The following VAX1 variants were observed in gnomAD, a reference collection of about 807,000 sequenced individuals.
VAX1 encodes ventral anterior homeobox 1.
VAX1 carries 6 observed loss-of-function variants against 17.6 expected under a neutral mutation model. The ratio of observed to expected loss-of-function variants is 0.34; its 90% CI spans 0.19 to 0.67. The LOEUF (loss-of-function observed/expected upper bound fraction) is 0.67, where lower values mean the gene tolerates loss of function less well. Among genes scored for constraint, VAX1 ranks in the 30% least tolerant of loss-of-function variants. The pLI is 0.69. For missense variants in VAX1, 408 were observed against 463.7 expected (o/e 0.88, Z 1.10); for synonymous variants, 256 against 227.4 (o/e 1.13, Z -1.13).
chr10:117,134,029 G>A lies in VAX1; in HGVS notation c.984C>T (p.Ala328=). 1 of 1,521,598 alleles carries A rather than the reference G, an allele frequency of 6.6e-7. No homozygotes were observed. The highest frequency in any genetic ancestry group is 8.8e-7 in the Non-Finnish European group (1 of 1,134,378). The allele number at this position is 1,521,598 out of a possible 1,614,324, so 94.3% of individuals were successfully genotyped here. A position where few individuals can be genotyped will look rare whatever the true frequency, so the allele number is the denominator to read the frequency against. Residue 328 remains alanine, a synonymous_variant, in exon 3 of 3, where the codon GCC becomes GCT. Coordinates refer to ENST00000369206, the MANE Select transcript of VAX1 (RefSeq NM_001112704.2). The surrounding 1 kb of genome is among the most constrained non-coding windows in gnomAD (Gnocchi z 6.2). ...AAAATCAGTCCAGCGCTTTTTTCTC[G>A]GCCCCTTCTTTATTGTTGGTCCGGG... The part of the protein sequence containing the change: ...PYSRTNNKEG[A]EKKALD
rs1312115509 is a variant in VAX1 at position 117,133,358 on chromosome 10, C to T, written c.*650G>A. 2.0e-6 allele frequency: 2 copies of T among 985,288 alleles called. No homozygotes were observed. The highest frequency in any genetic ancestry group is 1.2e-4 in the Admixed American group (2 of 16,262). The allele number at this position is 985,288 out of a possible 1,614,324, so 61.0% of individuals were successfully genotyped here. A position where few individuals can be genotyped will look rare whatever the true frequency, so the allele number is the denominator to read the frequency against. ...TTATCAGTGTCGTTGCCTACTACGA[C>T]GTTTGTTACTGTTTCCTGGGGTCGG... On this transcript the variant is annotated 3_prime_UTR_variant, in exon 3 of 3. Transcript: ENST00000369206.
rs1854204153 is a variant in VAX1, at chr10:117,137,605, C to T, written c.241+211G>A. On this transcript the variant is annotated intron_variant, in intron 1 of 2. Coordinates refer to ENST00000369206, the MANE Select transcript of VAX1 (RefSeq NM_001112704.2). The surrounding 1 kb of genome is among the most constrained non-coding windows in gnomAD (Gnocchi z 7.4). ...CCCCCGCAGCCCGGTCAGCGGGGCC[C>T]CTCCGGGCGTGGAGGGCCGAGGCCC... Among the ~76,000 whole-genome samples, 1 of 152,214 alleles carries T rather than the reference C, an allele frequency of 6.6e-6. No individual in the cohort carries two copies. Among genetic ancestry groups the T allele is most frequent in the African/African-American group, 2.4e-5 (1 of 41,466 alleles).
In VAX1 at chr10:117,134,184, C is replaced by T. The variant is rs1254291057; in HGVS notation, c.829G>A (p.Val277Met). 7.9e-6 allele frequency: 12 copies of T among 1,518,654 alleles called. No homozygotes were observed. The Admixed American group carries it at 2.6e-4, about 33-fold the overall frequency. The allele number at this position is 1,518,654 out of a possible 1,614,324, so 94.1% of individuals were successfully genotyped here. A position where few individuals can be genotyped will look rare whatever the true frequency, so the allele number is the denominator to read the frequency against. Reference protein sequence around the residue: ...AAGHSLFSLPVPSLLGSVASR... With the variant: ...AAGHSLFSLPMPSLLGSVASR... The stretch of plus-strand genomic sequence containing the variant: ...GCGACGGAGCCGAGCAGCGAGGGCA[C>T]CGGCAGGCTGAAGAGGCTGTGGCCC... Residue 277 changes from valine to methionine, a missense_variant, in exon 3 of 3, where the codon GTG becomes ATG. Around this residue, in one of 4 missense-constraint regions of VAX1, gnomAD observed 196 missense variants for 218.7 expected, o/e 0.90. Transcript: ENST00000369206. The surrounding 1 kb of genome is among the most constrained non-coding windows in gnomAD (Gnocchi z 6.2).
chr10:117,137,583 C>G lies in VAX1; in HGVS notation c.241+233G>C, dbSNP rs1038516061. Among the ~76,000 whole-genome samples, 4 of 152,226 alleles carry G rather than the reference C, an allele frequency of 2.6e-5. No individual in the cohort carries two copies. The highest frequency in any genetic ancestry group is 9.6e-5 in the African/African-American group (4 of 41,478). ...CACCCGCGCAGCCCCTCATCTCCCC[C>G]CGCAGCCCGGTCAGCGGGGCCCCTC... On this transcript the variant is annotated intron_variant, in intron 1 of 2. Coordinates refer to ENST00000369206, the MANE Select transcript of VAX1 (RefSeq NM_001112704.2). This position sits in a 1 kb window ranked among gnomAD's most constrained non-coding sequence, Gnocchi z 7.4.
At chr10:117,129,867 GGAA>G (rs1854062862), downstream of VAX1, 1 of 152,016 alleles carries the variant, frequency 6.6e-6, no homozygotes, top group Non-Finnish European at 1.5e-5. Context: ...GAAAAAAAAA[GGAA>G]GGAGGGAGAA....
intron 2 of VAX1, among the ~76,000 whole-genome samples, chr10:117,135,476 A>G (rs1019751381): frequency 6.6e-6 from 1 of 152,214 alleles, no homozygotes; most frequent in Non-Finnish European, 1.5e-5. Context: ...TATCCTATCT[A>G]GATTTTATAA....
downstream of VAX1, chr10:117,132,399 A>C (rs1854099983): frequency 6.2e-7 from 1 of 1,611,596 alleles, no homozygotes; most frequent in Non-Finnish European, 8.5e-7. This position sits in a 1 kb window ranked among gnomAD's most constrained non-coding sequence, Gnocchi z 4.9. Context: ...TATCCAAAAC[A>C]TTCAGAACAA....
chr10:117,132,414 A>G, downstream of VAX1: 1 of 1,612,916 alleles, frequency 6.2e-7, no homozygotes, highest in Admixed American at 1.7e-5. This position sits in a 1 kb window ranked among gnomAD's most constrained non-coding sequence, Gnocchi z 4.9. Context: ...GAACAAAGTT[A>G]GTAGCCTGGA....
At chr10:117,132,485 A>G, downstream of VAX1, 1 of 1,597,386 alleles carries the variant, frequency 6.3e-7, no homozygotes, top group East Asian at 2.2e-5. This position sits in a 1 kb window ranked among gnomAD's most constrained non-coding sequence, Gnocchi z 4.9. Flanking sequence ...TGCCTAGAAA[A>G]AAAAAAAAGA....
Position 117,136,716 on chromosome 10 carries a change from G to T in VAX1, c.242-57C>A, listed in dbSNP as rs1193372778. ...CCTCCCGTCCCCCTCCACCTCCTTG[G>T]CCCGAGCTGGATTTGGGGACACAGT... is the stretch of plus-strand genomic sequence containing the variant. On this transcript the variant is annotated intron_variant, in intron 1 of 2. Coordinates refer to ENST00000369206, the MANE Select transcript of VAX1 (RefSeq NM_001112704.2). This position sits in a 1 kb window ranked among gnomAD's most constrained non-coding sequence, Gnocchi z 5.0. The T allele has an allele frequency of 6.4e-7, 1 of 1,554,896 alleles. No individual in the cohort carries two copies. The highest frequency in any genetic ancestry group is 8.7e-7 in the Non-Finnish European group (1 of 1,147,228).
chr10:117,137,974 T>C lies in VAX1; in HGVS notation c.83A>G (p.Glu28Gly), dbSNP rs753261643. The C allele has an allele frequency of 6.2e-7, 1 of 1,613,494 alleles. No individual in the cohort carries two copies. Among genetic ancestry groups the C allele is most frequent in the South Asian group, 1.1e-5 (1 of 91,066 alleles). Residue 28 changes from glutamate to glycine, a missense_variant, in exon 1 of 3, where the codon GAG becomes GGG. Around this residue, in one of 4 missense-constraint regions of VAX1, gnomAD observed 133 missense variants for 112.0 expected, o/e 1.19. Coordinates refer to ENST00000369206, the MANE Select transcript of VAX1 (RefSeq NM_001112704.2). This position sits in a 1 kb window ranked among gnomAD's most constrained non-coding sequence, Gnocchi z 7.4. ...AARVSKNAHKESRESKGAEGN... is the reference protein window; with the variant it reads ...AARVSKNAHKGSRESKGAEGN... ...CTCCGCGCCCTTGCTCTCCCGACTCTCCTTGTGCGCGTTCTTCGAGACCCG... is the reference window on the plus strand; with the variant it reads ...CTCCGCGCCCTTGCTCTCCCGACTCCCCTTGTGCGCGTTCTTCGAGACCCG...
rs561125036 is a variant in VAX1, at chr10:117,137,321, G to A, written c.241+495C>T. Among the ~76,000 whole-genome samples, 151 of 151,904 alleles carry A rather than the reference G, an allele frequency of 9.9e-4. No homozygotes were observed. Among genetic ancestry groups the A allele is most frequent in the Middle Eastern group, 7.0e-3 (2 of 284 alleles). On this transcript the variant is annotated intron_variant, in intron 1 of 2. Coordinates refer to ENST00000369206, the MANE Select transcript of VAX1 (RefSeq NM_001112704.2). This position sits in a 1 kb window ranked among gnomAD's most constrained non-coding sequence, Gnocchi z 7.4. ...TGCCTCTCCCGGCGGCAGCGGTCGG[G>A]CACCGATCGCGGCCGTGGGGTCCTC...
rs34250461 is a variant in VAX1 at position 117,138,096 on chromosome 10, C to CAAAAAAAAAAAAAA, written c.-54_-41dup. On this transcript the variant is annotated 5_prime_UTR_variant, in exon 1 of 3. Coordinates refer to ENST00000369206, the MANE Select transcript of VAX1 (RefSeq NM_001112704.2). ...ACAAAAACAGAAAGGAAAAAAAAAG[C>CAAAAAAAAAAAAAA]AAAAAAAAAAAAAAGGGGGGGGGGC... The CAAAAAAAAAAAAAA allele has an allele frequency of 2.9e-6, 1 of 344,932 alleles. No individual in the cohort carries two copies. Among genetic ancestry groups the CAAAAAAAAAAAAAA allele is most frequent in the Non-Finnish European group, 4.3e-6 (1 of 232,978 alleles). The allele number at this position is 344,932 out of a possible 1,614,324, so 21.4% of individuals were successfully genotyped here.
downstream of VAX1, chr10:117,132,429 GT>G: frequency 1.2e-6 from 2 of 1,612,262 alleles, no homozygotes; most frequent in Non-Finnish European, 1.7e-6. The surrounding 1 kb of genome is among the most constrained non-coding windows in gnomAD (Gnocchi z 4.9). Context: ...CCTGGATTCA[GT>G]GACACCTACC....
At chr10:117,132,412 TTAG>T (rs1854100338), downstream of VAX1, 4 of 1,612,288 alleles carry the variant, frequency 2.5e-6, no homozygotes, top group East Asian at 8.9e-5. The surrounding 1 kb of genome is among the most constrained non-coding windows in gnomAD (Gnocchi z 4.9). Context: ...CAGAACAAAG[TTAG>T]TAGCCTGGAT....
Position 117,134,456 on chromosome 10 carries a change from C to A in VAX1, c.557G>T (p.Arg186Leu). ...CSVLRLLEQG[R>L]LLSPPGLPAL... Reference sequence around the variant, plus strand: ...AGGCAGGCCGGGCGGCGACAACAGGCGGCCCTGCTCCAGCAGCCGTAGCAC... The same window carrying A: ...AGGCAGGCCGGGCGGCGACAACAGGAGGCCCTGCTCCAGCAGCCGTAGCAC... Residue 186 changes from arginine (R) to leucine (L), a missense_variant, in exon 3 of 3, where the codon CGC becomes CTC. This residue lies in a region of VAX1 where 196 missense variants were observed against 218.7 expected (regional missense o/e 0.90). Coordinates refer to ENST00000369206, the MANE Select transcript of VAX1 (RefSeq NM_001112704.2). The surrounding 1 kb of genome is among the most constrained non-coding windows in gnomAD (Gnocchi z 6.2). The A allele has an allele frequency of 1.3e-6, 2 of 1,512,882 alleles. No homozygotes were observed. The allele number at this position is 1,512,882 out of a possible 1,614,324, so 93.7% of individuals were successfully genotyped here.
In VAX1 at chr10:117,137,602, G is replaced by T. The variant is rs912266591; in HGVS notation, c.241+214C>A. Among the ~76,000 whole-genome samples, 8 of 152,300 alleles carry T rather than the reference G, an allele frequency of 5.3e-5. No individual in the cohort carries two copies. Among genetic ancestry groups the T allele is most frequent in the African/African-American group, 1.4e-4 (6 of 41,590 alleles). On this transcript the variant is annotated intron_variant, in intron 1 of 2. Transcript: ENST00000369206. The surrounding 1 kb of genome is among the most constrained non-coding windows in gnomAD (Gnocchi z 7.4). ...CTCCCCCCGCAGCCCGGTCAGCGGGGCCCCTCCGGGCGTGGAGGGCCGAGG... is the reference window on the plus strand; with the variant it reads ...CTCCCCCCGCAGCCCGGTCAGCGGGTCCCCTCCGGGCGTGGAGGGCCGAGG...
downstream of VAX1, chr10:117,132,363 C>CA: frequency 6.2e-7 from 1 of 1,610,640 alleles, no homozygotes; most frequent in South Asian, 1.1e-5. The surrounding 1 kb of genome is among the most constrained non-coding windows in gnomAD (Gnocchi z 4.9). Flanking sequence ...ATTTCACTCT[C>CA]ACCACATAAA....
At position 117,133,448 on chromosome 10, in the gene VAX1, T is replaced by A; in HGVS notation, c.*560A>T. The A allele has an allele frequency of 4.1e-6, 4 of 985,492 alleles. No homozygotes were observed. The highest frequency in any genetic ancestry group is 4.8e-6 in the Non-Finnish European group (4 of 830,002). The allele number at this position is 985,492 out of a possible 1,614,324, so 61.0% of individuals were successfully genotyped here. A position where few individuals can be genotyped will look rare whatever the true frequency, so the allele number is the denominator to read the frequency against. On this transcript the variant is annotated 3_prime_UTR_variant, in exon 3 of 3. Transcript: ENST00000369206. ...CCGCAGGATTTGCCCGCCAGGAAGC[T>A]GTGTTGTGTACCGACTATCCCGAGA...
Sources: allele counts gnomAD v4.1 joint callset (sites outside exome capture counted in the v4.1 genomes callset), GRCh38; gene constraint gnomAD v4.1.1; regional missense constraint gnomAD v4.1.1; non-coding constraint Gnocchi (gnomAD v3.1); transcripts MANE v1.5; gene names NCBI Gene and HGNC (gene_info 2026-07-23, HGNC 2026-07-21).